The following WSCD2 variants were observed in gnomAD, a reference collection of about 807,000 sequenced individuals.
The protein encoded by WSCD2 is sialate:O-sulfotransferase 2.
In WSCD2, 28 loss-of-function variants were observed where a neutral mutation model predicts 55.7. The ratio of observed to expected loss-of-function variants is 0.50; its 90% CI spans 0.37 to 0.69. WSCD2 has a LOEUF of 0.69. Ranked by LOEUF, WSCD2 falls within the 30% of genes least tolerant of loss-of-function variation. WSCD2 has a pLI of 0.00. For synonymous variants in WSCD2, 301 were observed against 301.9 expected (o/e 1.00, Z 0.03); for missense variants, 616 against 762.1 (o/e 0.81, Z 2.26).
intron 1 of WSCD2, among the ~76,000 whole-genome samples, chr12:108,181,419 C>T (rs559466115): frequency 6.6e-6 from 1 of 152,162 alleles, no homozygotes; most frequent in Non-Finnish European, 1.5e-5. Flanking sequence ...AAGACCGCCC[C>T]AGTTCTAACT....
chr12:108,183,721 C>A (rs893083157), intron 1 of WSCD2, among the ~76,000 whole-genome samples: 35 of 152,134 alleles, frequency 2.3e-4, no homozygotes, highest in Admixed American at 2.2e-3. Context: ...AGAGAGGAGG[C>A]CCCGAGGTCA....
intron 2 of WSCD2, among the ~76,000 whole-genome samples, chr12:108,200,292 G>A (rs4964656): frequency 6.6e-6 from 1 of 151,962 alleles, no homozygotes; most frequent in Non-Finnish European, 1.5e-5. Flanking sequence ...TAAAAATATT[G>A]AGTGCCATTT....
intron 8 of WSCD2, among the ~76,000 whole-genome samples, chr12:108,247,641 G>A (rs150459590): frequency 1.3e-5 from 2 of 152,006 alleles, no homozygotes; most frequent in East Asian, 1.9e-4. Context: ...CTGCAGCCTC[G>A]ACCTCCTGGG....
chr12:108,201,454 A>C (rs766988238), intron 2 of WSCD2, among the ~76,000 whole-genome samples: 9 of 147,610 alleles, frequency 6.1e-5, no homozygotes, highest in Admixed American at 3.4e-4. Flanking sequence ...CCTATTTCCA[A>C]ATAAGGCCAC....
At chr12:108,197,268 G>C (rs1884042495) in intron 2 of WSCD2, 1 of 152,248 alleles carries the variant, frequency 6.6e-6, no homozygotes, top group Admixed American at 6.5e-5. Context: ...AGGATTAATG[G>C]AGGGAATTCA....
chr12:108,173,479 C>T (rs1197103584), intron 1 of WSCD2, among the ~76,000 whole-genome samples: 1 of 149,872 alleles, frequency 6.7e-6, no homozygotes, highest in South Asian at 2.2e-4. Flanking sequence ...GCCAGGAGGC[C>T]CCCCCACCCT....
intron 1 of WSCD2, among the ~76,000 whole-genome samples, chr12:108,191,078 A>G (rs1012272721): frequency 1.3e-5 from 2 of 152,234 alleles, no homozygotes; most frequent in Admixed American, 1.3e-4. Flanking sequence ...CATGCTATGA[A>G]CAAATAGAGA....
intron 7 of WSCD2, among the ~76,000 whole-genome samples, chr12:108,239,128 A>G (rs1429053844): frequency 2.6e-5 from 4 of 152,082 alleles, no homozygotes; most frequent in African/African-American, 9.7e-5. Flanking sequence ...TGGCCTCTTC[A>G]TCACAGACCC....
At chr12:108,141,799 T>G (rs987404443) in intron 1 of WSCD2, among the ~76,000 whole-genome samples, 5 of 152,202 alleles carry the variant, frequency 3.3e-5, no homozygotes, top group African/African-American at 1.2e-4. Flanking sequence ...CCTCAGGGCC[T>G]TGTGAGCCCC....
At chr12:108,180,313 G>A (rs578196365) in intron 1 of WSCD2, among the ~76,000 whole-genome samples, 10 of 152,256 alleles carry the variant, frequency 6.6e-5, no homozygotes, top group Admixed American at 5.2e-4. Flanking sequence ...GCCGCCCCCC[G>A]CAGTGGAGAA....
intron 1 of WSCD2, among the ~76,000 whole-genome samples, chr12:108,144,271 G>T (rs183126172): frequency 1.2e-3 from 185 of 152,228 alleles, no homozygotes; most frequent in African/African-American, 4.2e-3. Context: ...CTACAAACCT[G>T]GGTCATACGC....
chr12:108,173,814 G>C (rs4964647), intron 1 of WSCD2, among the ~76,000 whole-genome samples: 2,122 of 35,432 alleles, frequency 0.06, 28 homozygotes, highest in South Asian at 0.24. Context: ...GGCTCTCTGT[G>C]TGTGTGTGTG....
rs374953285 is a variant in WSCD2 at position 108,210,300 on chromosome 12, G to T, written c.677G>T (p.Arg226Leu). ...YRLQLAQESA[R>L]RYGSAVFRGC... ...CTGCAGCTGGCCCAGGAGTCGGCCC[G>T]CAGGTGTACGTGAGTCTGCCCTGCC... Residue 226 changes from arginine to leucine, a missense_variant, in exon 4 of 9, where the codon CGC becomes CTC. Coordinates refer to ENST00000547525, the MANE Select transcript of WSCD2 (RefSeq NM_014653.4). This position sits in a 1 kb window ranked among gnomAD's most constrained non-coding sequence, Gnocchi z 4.3. 1.3e-6 allele frequency: 2 copies of T among 1,578,134 alleles called. No homozygotes were observed. Among genetic ancestry groups the T allele is most frequent in the East Asian group, 2.3e-5 (1 of 42,888 alleles).
rs188166585 is a variant in WSCD2, at chr12:108,175,644, G to A, written c.-551-19638G>A. ...CAAAGCAGGCAATGGGATGAGGGGC[G>A]TGTGGGAACCCAGGTGTTCCTGGGA... is the stretch of plus-strand genomic sequence containing the variant. On this transcript the variant is annotated intron_variant, in intron 1 of 8. Transcript: ENST00000547525. Among the ~76,000 whole-genome samples the A allele has an allele frequency of 1.4e-3, 216 of 152,286 alleles. 1 individual carries two copies. Among genetic ancestry groups the A allele is most frequent in the African/African-American group, 5.0e-3 (207 of 41,568 alleles).
In WSCD2 at chr12:108,240,553, C is replaced by CGGGAGAGGAG; in HGVS notation, c.1345+15_1345+24dup. ...CCACTGGAAGGGCAAAGGTACAGCT[C>CGGGAGAGGAG]GGGAGAGGAGGGGAGGGGAGGGGAG... On this transcript the variant is annotated intron_variant, in intron 8 of 8. Coordinates refer to ENST00000547525, the MANE Select transcript of WSCD2 (RefSeq NM_014653.4). 1 of 430,430 alleles carries CGGGAGAGGAG rather than the reference C, an allele frequency of 2.3e-6. No individual in the cohort carries two copies. The highest frequency in any genetic ancestry group is 3.4e-6 in the Non-Finnish European group (1 of 292,744). The allele number at this position is 430,430 out of a possible 1,614,324, so 26.7% of individuals were successfully genotyped here.
intron 1 of WSCD2, among the ~76,000 whole-genome samples, chr12:108,140,213 C>T (rs1876644414): frequency 6.6e-6 from 1 of 152,166 alleles, no homozygotes; most frequent in Admixed American, 6.5e-5. Flanking sequence ...CACTCTTCGC[C>T]TCCGTTTCCT....
chr12:108,135,194 A>G (rs893652981), intron 1 of WSCD2, among the ~76,000 whole-genome samples: 1 of 152,206 alleles, frequency 6.6e-6, no homozygotes, highest in Non-Finnish European at 1.5e-5. Flanking sequence ...TCAAGTATTC[A>G]TTCAGCATCA....
At chr12:108,230,184 C>T (rs1593097265) in intron 6 of WSCD2, among the ~76,000 whole-genome samples, 1 of 152,276 alleles carries the variant, frequency 6.6e-6, no homozygotes, top group East Asian at 1.9e-4. Context: ...AATCCACTCC[C>T]CTATCAAAAT....
At chr12:108,190,814 G>A (rs374993501) in intron 1 of WSCD2, among the ~76,000 whole-genome samples, 48 of 152,116 alleles carry the variant, frequency 3.2e-4, no homozygotes, top group Non-Finnish European at 5.3e-4. Context: ...AGTAGAGGTC[G>A]TCCACCACAT....
Sources: allele counts gnomAD v4.1 joint callset (sites outside exome capture counted in the v4.1 genomes callset), GRCh38; gene constraint gnomAD v4.1.1; non-coding constraint Gnocchi (gnomAD v3.1); transcripts MANE v1.5; gene names NCBI Gene and HGNC (gene_info 2026-07-23, HGNC 2026-07-21).